CCDC149: variants seen among roughly 807,000 people sequenced by gnomAD.
The protein encoded by CCDC149 is coiled-coil domain containing 149.
A neutral mutation model predicts 59.9 loss-of-function variants in CCDC149; 45 were observed. The observed-to-expected ratio is 0.75, with a 90% CI of 0.59 to 0.96. CCDC149 has a LOEUF of 0.96. CCDC149 is among the 40% of genes least tolerant of loss of function. The pLI is 0.00. For synonymous variants in CCDC149, 245 were observed against 260.6 expected (o/e 0.94, Z 0.58); for missense variants, 584 against 664.7 (o/e 0.88, Z 1.33).
intron 1 of CCDC149, among the ~76,000 whole-genome samples, chr4:24,958,703 G>A (rs1173245620): frequency 1.3e-5 from 2 of 152,070 alleles, no homozygotes; most frequent in African/African-American, 4.8e-5. Flanking sequence ...GAAGATCAAG[G>A]CATAGCTATA....
At chr4:24,958,522 C>G (rs1723538222) in intron 1 of CCDC149, among the ~76,000 whole-genome samples, 1 of 152,154 alleles carries the variant, frequency 6.6e-6, no homozygotes, top group African/African-American at 2.4e-5. Flanking sequence ...ATTCCACCAT[C>G]CAGATCTGAC....
intron 1 of CCDC149, among the ~76,000 whole-genome samples, chr4:24,947,565 A>T (rs1188418489): frequency 2.6e-5 from 4 of 152,150 alleles, no homozygotes; most frequent in Admixed American, 2.6e-4. Flanking sequence ...ACAGATGTCT[A>T]TGTCAAACTG....
chr4:24,903,944 G>A (rs1268691791), intron 1 of CCDC149, among the ~76,000 whole-genome samples: 3 of 152,056 alleles, frequency 2.0e-5, no homozygotes, highest in Non-Finnish European at 2.9e-5. Context: ...GGGATTACAG[G>A]CGTGTGCCTC....
chr4:24,864,799 C>A (rs932488678), intron 3 of CCDC149, among the ~76,000 whole-genome samples: 2 of 152,140 alleles, frequency 1.3e-5, no homozygotes, highest in Non-Finnish European at 2.9e-5. Flanking sequence ...CACACAGATC[C>A]ACTTATGTGT....
intron 12 of CCDC149, among the ~76,000 whole-genome samples, chr4:24,813,755 T>C (rs1560197882): frequency 6.6e-6 from 1 of 152,086 alleles, no homozygotes; most frequent in South Asian, 2.1e-4. Flanking sequence ...CTTAATCAAA[T>C]GTTTAAAAGT....
At chr4:24,958,084 A>G (rs1460021563) in intron 1 of CCDC149, among the ~76,000 whole-genome samples, 1 of 152,204 alleles carries the variant, frequency 6.6e-6, no homozygotes, top group African/African-American at 2.4e-5. Flanking sequence ...TCATGAATGA[A>G]GTAGTCACAG....
intron 10 of CCDC149, among the ~76,000 whole-genome samples, 174 bp from the exon 11 acceptor site, chr4:24,821,261 T>C (rs1460364896): frequency 1.3e-5 from 2 of 151,716 alleles, no homozygotes; most frequent in African/African-American, 4.9e-5. Flanking sequence ...CACCAACTCA[T>C]TTGAGAAAAA....
At chr4:24,930,099 G>T (rs1476420066) in intron 1 of CCDC149, among the ~76,000 whole-genome samples, 1 of 152,104 alleles carries the variant, frequency 6.6e-6, no homozygotes, top group African/African-American at 2.4e-5. Flanking sequence ...ACATTTACTT[G>T]CCTGTTTTTC....
At chr4:24,845,035 T>C (rs938120655) in intron 4 of CCDC149, among the ~76,000 whole-genome samples, 2 of 152,214 alleles carry the variant, frequency 1.3e-5, no homozygotes, top group African/African-American at 2.4e-5. Flanking sequence ...CAGTCAGGAA[T>C]TGAGCCCGGC....
chr4:24,824,024 T>A (rs527673192), intron 9 of CCDC149, among the ~76,000 whole-genome samples: 1 of 152,220 alleles, frequency 6.6e-6, no homozygotes, highest in African/African-American at 2.4e-5. Flanking sequence ...CAATCACAAC[T>A]GTTCAAGTTG....
Position 24,853,081 on chromosome 4 carries a change from G to GC in CCDC149, c.362dup (p.Asp122ArgfsTer28), listed in dbSNP as rs1458006174. The GC allele has an allele frequency of 1.2e-6, 2 of 1,607,592 alleles. No homozygotes were observed. The highest frequency in any genetic ancestry group is 1.7e-6 in the Non-Finnish European group (2 of 1,174,226). ...TAAATACTCACAGTACCTTGTTGTC[G>GC]CCCTGGACTTCTCCAAGCCTTTGCT... On this transcript the variant is annotated frameshift_variant, in exon 4 of 13. Transcript: ENST00000635206. LOFTEE classifies it high-confidence loss of function.
At chr4:24,868,526 A>C (rs1718833955) in intron 3 of CCDC149, among the ~76,000 whole-genome samples, 1 of 152,162 alleles carries the variant, frequency 6.6e-6, no homozygotes, top group Non-Finnish European at 1.5e-5. Context: ...AACAACCTAT[A>C]TATTTTAATT....
chr4:24,812,640 T>C (rs575548222), intron 12 of CCDC149, among the ~76,000 whole-genome samples: 1 of 152,342 alleles, frequency 6.6e-6, no homozygotes, highest in South Asian at 2.1e-4. Context: ...TAGTCTGTTT[T>C]CATGCTGCCA....
At chr4:24,905,350 A>T (rs1419539044) in intron 1 of CCDC149, among the ~76,000 whole-genome samples, 1 of 148,346 alleles carries the variant, frequency 6.7e-6, no homozygotes, top group East Asian at 2.0e-4. Context: ...CAACCTACTC[A>T]TTTTTTTCTT....
chr4:24,827,447 T>C (rs537965602), intron 9 of CCDC149: 4 of 152,126 alleles, frequency 2.6e-5, no homozygotes, highest in South Asian at 2.1e-4. Flanking sequence ...GCAGGAAGGA[T>C]AGCAAAAGGC....
chr4:24,973,211 C>A (rs1724035528), intron 1 of CCDC149, among the ~76,000 whole-genome samples: 2 of 152,176 alleles, frequency 1.3e-5, no homozygotes, highest in Non-Finnish European at 2.9e-5. Flanking sequence ...AGTCTTATGT[C>A]TCCCTAACAC....
intron 1 of CCDC149, among the ~76,000 whole-genome samples, chr4:24,952,255 C>G (rs968411539): frequency 6.6e-6 from 1 of 151,998 alleles, no homozygotes; most frequent in Non-Finnish European, 1.5e-5. Flanking sequence ...TGGTTTGGAG[C>G]CATTTCAGTT....
intron 1 of CCDC149, among the ~76,000 whole-genome samples, chr4:24,935,192 C>G (rs1722703313): frequency 2.0e-5 from 3 of 152,070 alleles, no homozygotes; most frequent in Non-Finnish European, 4.4e-5. Context: ...TTAGACACAG[C>G]AATGCTTGCA....
chr4:24,945,367 C>A (rs1723076570), intron 1 of CCDC149, among the ~76,000 whole-genome samples: 1 of 152,136 alleles, frequency 6.6e-6, no homozygotes, highest in South Asian at 2.1e-4. Flanking sequence ...GATCCAGAGA[C>A]ACATAAGGAG....
Sources: allele counts gnomAD v4.1 joint callset (sites outside exome capture counted in the v4.1 genomes callset), GRCh38; gene constraint gnomAD v4.1.1; transcripts MANE v1.5; gene names NCBI Gene and HGNC (gene_info 2026-07-23, HGNC 2026-07-21).